Variants in PRPSAP2 observed in about 807,000 individuals in gnomAD.
PRPSAP2 encodes phosphoribosyl pyrophosphate synthetase associated protein 2.
In PRPSAP2, 24 loss-of-function variants were observed where a neutral mutation model predicts 40.6. The observed-to-expected ratio is 0.59, with a 90% CI of 0.43 to 0.83. The LOEUF is 0.83. Ranked by LOEUF, PRPSAP2 falls within the 40% of genes least tolerant of loss-of-function variation. The pLI is 0.00. For synonymous variants in PRPSAP2, 149 were observed against 164.7 expected (o/e 0.90, Z 0.73); for missense variants, 292 against 465.6 (o/e 0.63, Z 3.43).
intron 7 of PRPSAP2, among the ~76,000 whole-genome samples, chr17:18,885,821 A>G (rs111974091): frequency 1.3e-5 from 2 of 152,212 alleles, no homozygotes; most frequent in African/African-American, 4.8e-5. Flanking sequence ...TCCTGACCTC[A>G]GGTGATCTGC....
At chr17:18,866,646 G>T (rs1203243270) in intron 3 of PRPSAP2, among the ~76,000 whole-genome samples, 1 of 152,080 alleles carries the variant, frequency 6.6e-6, no homozygotes, top group Admixed American at 6.5e-5. Flanking sequence ...AACAAATATT[G>T]TACCCCTACT....
chr17:18,899,368 A>G lies in PRPSAP2; in HGVS notation c.584+9491A>G, dbSNP rs140200491. The stretch of plus-strand genomic sequence containing the variant: ...CCAGAGTAGCTGAAACTACAAGCAC[A>G]TGCCACCATGCCCTGCCACAGCCAT... On this transcript the variant is annotated intron_variant, in intron 8 of 11. Coordinates refer to ENST00000268835, the MANE Select transcript of PRPSAP2 (RefSeq NM_002767.4). Among the ~76,000 whole-genome samples the G allele has an allele frequency of 8.6e-3, 1,304 of 151,968 alleles. 10 individuals carry two copies. The highest frequency in any genetic ancestry group is 0.015 in the Admixed American group (223 of 15,230).
In PRPSAP2 at chr17:18,865,866, C is replaced by G. The variant is rs1254238554; in HGVS notation, c.33C>G (p.Thr11=). ...GTGTGACGCCACCTGAATTAGAAAC[C>G]AAGATGAACATAACCAAAGGTGGTC... MFCVTPPELE[T]KMNITKGGLV... Residue 11 remains threonine (T), a synonymous_variant, in exon 3 of 12, where the codon ACC becomes ACG. Coordinates refer to ENST00000268835, the MANE Select transcript of PRPSAP2 (RefSeq NM_002767.4). The G allele has an allele frequency of 1.3e-6, 2 of 1,522,712 alleles. No individual in the cohort carries two copies. The highest frequency in any genetic ancestry group is 1.8e-6 in the Non-Finnish European group (2 of 1,125,022). The allele number at this position is 1,522,712 out of a possible 1,614,324, so 94.3% of individuals were successfully genotyped here. A position where few individuals can be genotyped will look rare whatever the true frequency, so the allele number is the denominator to read the frequency against.
chr17:18,917,209 T>TAA (rs1406185167), intron 9 of PRPSAP2, among the ~76,000 whole-genome samples: 4 of 151,852 alleles, frequency 2.6e-5, no homozygotes, highest in Non-Finnish European at 5.9e-5. Flanking sequence ...GCATATGGAC[T>TAA]AAACTGGCAA....
chr17:18,907,136 T>G (rs1006847466), intron 8 of PRPSAP2, among the ~76,000 whole-genome samples: 9 of 152,142 alleles, frequency 5.9e-5, no homozygotes, highest in African/African-American at 2.2e-4. Flanking sequence ...TTTTTGGTGC[T>G]GGTAAGCCAA....
At chr17:18,924,079 G>C in intron 10 of PRPSAP2, 95 bp downstream of exon 10, 1 of 1,267,346 alleles carries the variant, frequency 7.9e-7, no homozygotes. Flanking sequence ...ACTCACTGTC[G>C]CCCAGGCTGG....
intron 7 of PRPSAP2, among the ~76,000 whole-genome samples, chr17:18,883,856 C>T (rs867679817): frequency 7.6e-4 from 116 of 152,196 alleles, no homozygotes; most frequent in African/African-American, 2.6e-3. Flanking sequence ...TACAGGGCTT[C>T]CCCATTCTCC....
chr17:18,865,975 A>G (rs755964061), intron 3 of PRPSAP2, 23 bp downstream of exon 3: 1 of 1,370,282 alleles, frequency 7.3e-7, no homozygotes, highest in South Asian at 2.1e-5. Context: ...TGTACCATTA[A>G]AATCTATATT....
intron 8 of PRPSAP2, among the ~76,000 whole-genome samples, chr17:18,900,212 G>T (rs1379306200): frequency 1.3e-5 from 2 of 152,056 alleles, no homozygotes; most frequent in African/African-American, 2.4e-5. Flanking sequence ...AGTAGAGACG[G>T]GGTTTTGCCA....
At chr17:18,889,030 C>T (rs1382295525) in intron 7 of PRPSAP2, among the ~76,000 whole-genome samples, 6 of 152,124 alleles carry the variant, frequency 3.9e-5, no homozygotes, top group African/African-American at 1.2e-4. Context: ...CAAGGAAATA[C>T]ATGAAAAAGT....
In PRPSAP2 at chr17:18,860,848, T is replaced by A. The variant is rs8064696; in HGVS notation, c.-129+2587T>A. 3.3e-3 allele frequency among the ~76,000 whole-genome samples: 497 copies of A among 152,336 alleles called. 1 individual carries two copies. The highest frequency in any genetic ancestry group is 0.012 in the African/African-American group (481 of 41,582). On this transcript the variant is annotated intron_variant, in intron 1 of 11. Transcript: ENST00000268835. ...TCTTCATTCATGAGACTTAACATTC[T>A]AAAATCTTATTCAAAAGAGGAGTAT...
intron 8 of PRPSAP2, among the ~76,000 whole-genome samples, chr17:18,890,682 T>C (rs530438142): frequency 4.6e-5 from 7 of 152,342 alleles, no homozygotes; most frequent in South Asian, 2.1e-4. Context: ...CAGACCCAGA[T>C]TGACAATCAC....
chr17:18,906,816 G>C (rs2040619477), intron 8 of PRPSAP2, among the ~76,000 whole-genome samples: 1 of 152,148 alleles, frequency 6.6e-6, no homozygotes, highest in African/African-American at 2.4e-5. Flanking sequence ...CAAAGTGCTG[G>C]GATTACAGGC....
At chr17:18,901,123 G>T (rs796135810) in intron 8 of PRPSAP2, among the ~76,000 whole-genome samples, 6 of 152,268 alleles carry the variant, frequency 3.9e-5, no homozygotes, top group African/African-American at 1.4e-4. Context: ...TTTCCTGCCT[G>T]TGTGGCTAGA....
intron 4 of PRPSAP2, among the ~76,000 whole-genome samples, chr17:18,869,503 ATTTTTT>A (rs553779100): frequency 3.9e-5 from 5 of 128,480 alleles, no homozygotes; most frequent in Non-Finnish European, 8.5e-5. Context: ...CTGCCAGGCT[ATTTTTT>A]TTTTTTTTTT....
chr17:18,865,786 T>C lies in PRPSAP2; in HGVS notation c.-32-16T>C. 1 of 1,385,982 alleles carries C rather than the reference T, an allele frequency of 7.2e-7. No homozygotes were observed. The highest frequency in any genetic ancestry group is 1.9e-5 in the South Asian group (1 of 52,720). The allele number at this position is 1,385,982 out of a possible 1,614,324, so 85.9% of individuals were successfully genotyped here. A position where few individuals can be genotyped will look rare whatever the true frequency, so the allele number is the denominator to read the frequency against. On this transcript the variant is annotated splice_polypyrimidine_tract_variant and intron_variant, in intron 2 of 11. Coordinates refer to ENST00000268835, the MANE Select transcript of PRPSAP2 (RefSeq NM_002767.4). ...ATATCATATGGCAGTTTTTAATAAG[T>C]ATTATATCCTTCTAGGCTCTGAAAA...
intron 8 of PRPSAP2, among the ~76,000 whole-genome samples, chr17:18,896,216 T>C (rs2039895915): frequency 6.6e-6 from 1 of 152,232 alleles, no homozygotes; most frequent in Admixed American, 6.5e-5. Context: ...GATATGTTTG[T>C]TTAGTGGCCA....
rs187037315 is a variant in PRPSAP2 at position 18,864,060 on chromosome 17, G to A, written c.-128-1409G>A. 3.8e-3 allele frequency among the ~76,000 whole-genome samples: 556 copies of A among 147,616 alleles called. 4 individuals are homozygous for A. The highest frequency in any genetic ancestry group is 6.8e-3 in the Non-Finnish European group (452 of 66,754). ...GTAGAGATGGGGTTTCACCATGTTG[G>A]TCAGGCTGGTCTCGAACTCCTGGCC... is the stretch of plus-strand genomic sequence containing the variant. On this transcript the variant is annotated intron_variant, in intron 1 of 11. Transcript: ENST00000268835.
intron 8 of PRPSAP2, among the ~76,000 whole-genome samples, chr17:18,905,931 T>G (rs1334454479): frequency 6.6e-6 from 1 of 152,190 alleles, no homozygotes; most frequent in South Asian, 2.1e-4. Context: ...TTTGTAAGGA[T>G]GAATTCAAAG....
Sources: allele counts gnomAD v4.1 joint callset (sites outside exome capture counted in the v4.1 genomes callset), GRCh38; gene constraint gnomAD v4.1.1; transcripts MANE v1.5; gene names NCBI Gene and HGNC (gene_info 2026-07-23, HGNC 2026-07-21).